SGCD: variants seen among roughly 807,000 people sequenced by gnomAD.
The protein encoded by SGCD is delta-sarcoglycan.
Under a neutral mutation model 36.6 loss-of-function variants are expected in SGCD, and 18 were observed. That is an observed-to-expected ratio of 0.49 (90% CI 0.34 to 0.73). The LOEUF is 0.73. SGCD is among the 30% of genes least tolerant of loss of function. The pLI is 0.01. For missense variants in SGCD, 387 were observed against 346.7 expected (o/e 1.12, Z -0.92); for synonymous variants, 133 against 130.6 (o/e 1.02, Z -0.12).
chr5:155,961,715 AT>A (rs532812325), intron 1 of SGCD, among the ~76,000 whole-genome samples: 1,838 of 150,696 alleles, frequency 0.012, 19 homozygotes, highest in African/African-American at 0.039. Flanking sequence ...CCAAATGTGA[AT>A]TTTTTTTTTC....
chr5:156,674,354 G>A (rs1035356113), intron 7 of SGCD, among the ~76,000 whole-genome samples: 1 of 152,180 alleles, frequency 6.6e-6, no homozygotes, highest in Non-Finnish European at 1.5e-5. Context: ...ACAGGTAAAG[G>A]CATAATCCCC....
At chr5:156,481,444 G>T (rs920134544) in intron 3 of SGCD, among the ~76,000 whole-genome samples, 1 of 152,184 alleles carries the variant, frequency 6.6e-6, no homozygotes, top group Non-Finnish European at 1.5e-5. Context: ...GACTTTTCAA[G>T]AGAAACTCAT....
At chr5:156,412,697 C>G (rs1259916454) in intron 3 of SGCD, among the ~76,000 whole-genome samples, 1 of 151,974 alleles carries the variant, frequency 6.6e-6, no homozygotes, top group African/African-American at 2.4e-5. Context: ...ATATTCATTC[C>G]TTAATGTGGC....
At chr5:156,204,579 C>T (rs185125673) in intron 3 of SGCD, among the ~76,000 whole-genome samples, 7 of 151,812 alleles carry the variant, frequency 4.6e-5, no homozygotes, top group Admixed American at 2.0e-4. Context: ...TAGGCATATA[C>T]GTGTCAGCGT....
At chr5:156,156,578 C>T (rs922004709) in intron 3 of SGCD, among the ~76,000 whole-genome samples, 8 of 151,494 alleles carry the variant, frequency 5.3e-5, no homozygotes, top group East Asian at 3.9e-4. Context: ...GAGCCAAGAT[C>T]GCGCCACTGC....
intron 4 of SGCD, among the ~76,000 whole-genome samples, chr5:156,576,429 G>A (rs1016589636): frequency 2.0e-5 from 3 of 152,002 alleles, no homozygotes; most frequent in Non-Finnish European, 1.5e-5. Flanking sequence ...TAATCCTTTC[G>A]GTATATACCC....
At chr5:156,738,787 C>A (rs549975935) in intron 7 of SGCD, 10 of 152,288 alleles carry the variant, frequency 6.6e-5, no homozygotes, top group African/African-American at 2.4e-4. Flanking sequence ...AAGGCTTCAC[C>A]TACATTTCCA....
At chr5:155,901,474 G>C (rs148562206) in intron 1 of SGCD, among the ~76,000 whole-genome samples, 13 of 152,276 alleles carry the variant, frequency 8.5e-5, no homozygotes, top group African/African-American at 3.1e-4. Context: ...GGCCCCTCTG[G>C]AAGGAGCTCT....
intron 7 of SGCD, among the ~76,000 whole-genome samples, chr5:156,736,276 GCTTTATTGCAGTTTT>G (rs1223613039): frequency 1.3e-5 from 2 of 152,064 alleles, no homozygotes; most frequent in Non-Finnish European, 2.9e-5. Flanking sequence ...TACTTACTCT[GCTTTATTGCAGTTTT>G]GTTCATCCTG....
At chr5:156,441,121 G>A (rs1342598757) in intron 3 of SGCD, among the ~76,000 whole-genome samples, 2 of 152,126 alleles carry the variant, frequency 1.3e-5, no homozygotes, top group East Asian at 1.9e-4. Context: ...GGTGGCGTCA[G>A]GAGCAGTGTT....
intron 7 of SGCD, among the ~76,000 whole-genome samples, chr5:156,733,184 G>A (rs1376028554): frequency 1.3e-5 from 2 of 152,000 alleles, no homozygotes; most frequent in African/African-American, 4.8e-5. Context: ...TTGTCCATGT[G>A]AGCATTTAGC....
intron 6 of SGCD, among the ~76,000 whole-genome samples, chr5:156,608,476 T>C (rs1399404274): frequency 6.6e-6 from 1 of 152,222 alleles, no homozygotes. Flanking sequence ...ATGTGGTCAA[T>C]TTTGGAACAG....
intron 3 of SGCD, among the ~76,000 whole-genome samples, chr5:156,385,476 TA>T (rs1438088753): frequency 3.3e-5 from 5 of 152,242 alleles, no homozygotes; most frequent in Non-Finnish European, 5.9e-5. Context: ...AAGTTAAAGA[TA>T]AAACCATCAG....
chr5:155,986,705 A>C (rs767333115), intron 1 of SGCD, among the ~76,000 whole-genome samples: 15 of 152,208 alleles, frequency 9.9e-5, no homozygotes, highest in Non-Finnish European at 1.9e-4. Flanking sequence ...TGATTCATGC[A>C]AATGGCTCCG....
chr5:155,857,216 G>A, the SGCD span, among the ~76,000 whole-genome samples: 16 of 152,172 alleles, frequency 1.1e-4, no homozygotes, highest in Non-Finnish European at 1.9e-4. Flanking sequence ...TGGCCTGGGC[G>A]ACAGCGCAAG....
chr5:155,934,707 C>T (rs1757163038), intron 1 of SGCD, among the ~76,000 whole-genome samples: 1 of 152,142 alleles, frequency 6.6e-6, no homozygotes. Context: ...TGGAAAACTC[C>T]TCACTCTATG....
chr5:156,090,159 A>G (rs1761205879), intron 1 of SGCD, among the ~76,000 whole-genome samples: 1 of 152,160 alleles, frequency 6.6e-6, no homozygotes, highest in African/African-American at 2.4e-5. Flanking sequence ...AGGCACAGAA[A>G]CTGCTCCTAA....
intron 6 of SGCD, among the ~76,000 whole-genome samples, chr5:156,640,030 AGCAAAGCCTTC>A (rs1398281157): frequency 6.6e-6 from 1 of 152,098 alleles, no homozygotes; most frequent in Non-Finnish European, 1.5e-5. Flanking sequence ...GCACTTCCCC[AGCAAAGCCTTC>A]GCAGGTCCTC....
At chr5:155,881,610 G>C (rs1441140635) in intron 1 of SGCD, among the ~76,000 whole-genome samples, 1 of 152,158 alleles carries the variant, frequency 6.6e-6, no homozygotes, top group African/African-American at 2.4e-5. Flanking sequence ...CAGCAATTTT[G>C]TAAGACAACA....
Sources: allele counts gnomAD v4.1 joint callset (sites outside exome capture counted in the v4.1 genomes callset), GRCh38; gene constraint gnomAD v4.1.1; transcripts MANE v1.5; gene names NCBI Gene and HGNC (gene_info 2026-07-23, HGNC 2026-07-21).